Variants in TMEM74 observed in about 807,000 individuals in gnomAD.
The protein encoded by TMEM74 is transmembrane protein 74.
TMEM74 carries 13 observed loss-of-function variants against 18.1 expected under a neutral mutation model. The ratio of observed to expected loss-of-function variants is 0.72; its 90% confidence interval spans 0.47 to 1.14. TMEM74 has a LOEUF of 1.14. Among genes scored for constraint, TMEM74 ranks in the 50% most tolerant of loss-of-function variants. The probability of loss-of-function intolerance (pLI) is 0.00; values close to 1 mark genes in which losing one functional copy is unlikely to be tolerated. For synonymous variants in TMEM74, 159 were observed against 146.6 expected, an observed-to-expected ratio of 1.08 and a Z score of -0.61; for missense variants, 372 against 375.9, an observed-to-expected ratio of 0.99 and a Z score of 0.09.
At chr8:108,664,093 C>A (rs1409479534) in intron 1 of TMEM74, among the ~76,000 whole-genome samples, 3 of 152,150 alleles carry the variant, frequency 2.0e-5, no homozygotes, top group Non-Finnish European at 4.4e-5. Context: ...GCACATCCTG[C>A]ACATGTACCC....
chr8:108,754,906 C>T (rs1249339590), intron 1 of TMEM74, among the ~76,000 whole-genome samples: 1 of 151,906 alleles, frequency 6.6e-6, no homozygotes, highest in Non-Finnish European at 1.5e-5. Flanking sequence ...AGGGGGCAAT[C>T]TCTTCTTTCC....
chr8:108,756,687 A>G (rs953545153), intron 1 of TMEM74, among the ~76,000 whole-genome samples: 1 of 113,728 alleles, frequency 8.8e-6, no homozygotes, highest in African/African-American at 3.9e-5. Flanking sequence ...AAAGAAAGAA[A>G]GAAAGAAAGA....
chr8:108,768,688 G>C (rs1814137202), intron 1 of TMEM74, among the ~76,000 whole-genome samples: 2 of 152,104 alleles, frequency 1.3e-5, no homozygotes, highest in Non-Finnish European at 2.9e-5. Context: ...AAGTGAGCCA[G>C]TGCATATGAG....
intron 1 of TMEM74, among the ~76,000 whole-genome samples, chr8:108,704,473 C>A (rs925951923): frequency 1.3e-5 from 2 of 152,144 alleles, no homozygotes; most frequent in Non-Finnish European, 2.9e-5. Context: ...TTTGTGATAT[C>A]TTTTATAGAT....
chr8:108,647,423 C>CT (rs891433258), intron 2 of TMEM74, among the ~76,000 whole-genome samples: 2 of 151,980 alleles, frequency 1.3e-5, no homozygotes, highest in African/African-American at 4.8e-5. Flanking sequence ...CACAATTTAG[C>CT]TTTTTATTCC....
At chr8:108,608,845 A>G (rs1812305332) in intron 2 of TMEM74, 1 of 152,212 alleles carries the variant, frequency 6.6e-6, no homozygotes, top group Non-Finnish European at 1.5e-5. Context: ...GGAATGAATC[A>G]GAAACATGTG....
intron 1 of TMEM74, among the ~76,000 whole-genome samples, chr8:108,657,885 T>TATATATTAATTAC (rs1554630313): frequency 2.8e-4 from 32 of 114,090 alleles, no homozygotes; most frequent in African/African-American, 1.1e-3. Flanking sequence ...TATATATATA[T>TATATATTAATTAC]ATATATATAT....
intron 1 of TMEM74, among the ~76,000 whole-genome samples, chr8:108,701,947 A>G (rs1435299687): frequency 2.0e-5 from 3 of 152,178 alleles, no homozygotes; most frequent in Non-Finnish European, 2.9e-5. Flanking sequence ...ATAATAAACG[A>G]CAACATTTTG....
intron 1 of TMEM74, among the ~76,000 whole-genome samples, chr8:108,701,730 G>T (rs898725868): frequency 6.6e-6 from 1 of 152,066 alleles, no homozygotes; most frequent in Non-Finnish European, 1.5e-5. Flanking sequence ...AAACTCTGAT[G>T]CAAGAAATCA....
chr8:108,755,974 C>T (rs969831939), intron 1 of TMEM74, among the ~76,000 whole-genome samples: 3 of 151,898 alleles, frequency 2.0e-5, no homozygotes, highest in South Asian at 2.1e-4. Flanking sequence ...TCTTATTTTA[C>T]GTTTGCCATT....
At chr8:108,635,199 A>G (rs1780991527) in intron 2 of TMEM74, among the ~76,000 whole-genome samples, 1 of 151,690 alleles carries the variant, frequency 6.6e-6, no homozygotes, top group Non-Finnish European at 1.5e-5. Flanking sequence ...TTCAATGTCA[A>G]CTCAATTTAA....
chr8:108,614,083 G>T, intron 2 of TMEM74, among the ~76,000 whole-genome samples: 1 of 143,064 alleles, frequency 7.0e-6, no homozygotes. Flanking sequence ...TAAATGAACT[G>T]AAATAATCTT....
intron 1 of TMEM74, among the ~76,000 whole-genome samples, chr8:108,681,547 A>T (rs1425154639): frequency 6.6e-6 from 1 of 152,178 alleles, no homozygotes; most frequent in Non-Finnish European, 1.5e-5. Context: ...TAAATAGAAG[A>T]AGTTCACAAT....
At chr8:108,624,636 T>C (rs1215611203) in intron 2 of TMEM74, among the ~76,000 whole-genome samples, 1 of 152,106 alleles carries the variant, frequency 6.6e-6, no homozygotes, top group African/African-American at 2.4e-5. Context: ...TAGGACACTC[T>C]ATTTTATATC....
chr8:108,643,721 G>A (rs1418901864), intron 2 of TMEM74, among the ~76,000 whole-genome samples: 4 of 149,528 alleles, frequency 2.7e-5, no homozygotes, highest in East Asian at 2.0e-4. Context: ...AAAAGAAAAC[G>A]AAAGCAAGAA....
chr8:108,652,581 C>T lies in TMEM74; in HGVS notation n.264+2712G>A, dbSNP rs1812785445. On this transcript the variant is annotated intron_variant and non_coding_transcript_variant, in intron 2 of 3. Coordinates refer to the TMEM74 transcript ENST00000518838. Reference sequence around the variant, plus strand: ...TTTCTGGGTATCATAAGAAAAATATCCAGAGAAAACAGAGACACTGGGAAA... The same window carrying T: ...TTTCTGGGTATCATAAGAAAAATATTCAGAGAAAACAGAGACACTGGGAAA... 5.0e-6 allele frequency: 3 copies of T among 603,854 alleles called. No homozygotes were observed. In the African/African-American group the frequency reaches 5.6e-5, roughly 11 times the overall value. 37.4% of individuals were successfully genotyped at this position (603,854 alleles called of 1,614,324 possible).
chr8:108,623,672 T>C (rs1364749754), intron 2 of TMEM74, among the ~76,000 whole-genome samples: 1 of 152,086 alleles, frequency 6.6e-6, no homozygotes, highest in Non-Finnish European at 1.5e-5. Context: ...GAAAATGTAT[T>C]TCTAATTTTC....
At chr8:108,647,631 G>C (rs935532121) in intron 2 of TMEM74, among the ~76,000 whole-genome samples, 1 of 152,004 alleles carries the variant, frequency 6.6e-6, no homozygotes, top group African/African-American at 2.4e-5. Flanking sequence ...TCTATAATCA[G>C]AGTTTATAGA....
At chr8:108,725,058 T>TC (rs1177137581) in intron 1 of TMEM74, among the ~76,000 whole-genome samples, 7 of 152,140 alleles carry the variant, frequency 4.6e-5, no homozygotes, top group African/African-American at 1.4e-4. Context: ...TCCTTTCTTC[T>TC]CTTAGTTCAA....
Sources: gnomAD v4.1 joint callset for allele counts (sites outside exome capture counted in the v4.1 genomes callset) on GRCh38, gnomAD v4.1.1 for gene constraint, MANE v1.5 for transcripts, NCBI Gene and HGNC (gene_info 2026-07-23, HGNC 2026-07-21) for gene names.